Variants in NYAP2 observed in about 807,000 individuals in gnomAD.
The protein encoded by NYAP2 is neuronal tyrosine-phosphorylated phosphoinositide-3-kinase adapter 2.
Under a neutral mutation model 50.4 loss-of-function variants are expected in NYAP2, and 23 were observed. That is an observed-to-expected ratio of 0.46 (90% CI 0.33 to 0.65). The LOEUF (loss-of-function observed/expected upper bound fraction) is 0.65, where lower values mean the gene tolerates loss of function less well. NYAP2 is among the 30% of genes least tolerant of loss of function. The pLI is 0.02. For missense variants in NYAP2, 885 were observed against 861.0 expected (o/e 1.03, Z -0.35); for synonymous variants, 394 against 365.2 (o/e 1.08, Z -0.90).
intron 3 of NYAP2, among the ~76,000 whole-genome samples, chr2:225,473,603 T>C (rs1293919898): frequency 6.6e-6 from 1 of 152,260 alleles, no homozygotes; most frequent in East Asian, 1.9e-4. Flanking sequence ...TGCATAAATG[T>C]CTTCTTTTGA....
At chr2:225,623,735 C>A (rs1211231126) in intron 5 of NYAP2, among the ~76,000 whole-genome samples, 3 of 152,156 alleles carry the variant, frequency 2.0e-5, no homozygotes, top group Admixed American at 6.5e-5. Context: ...ATTTTAAATT[C>A]AACATGCTTG....
At chr2:225,697,756 T>C in the NYAP2 span, among the ~76,000 whole-genome samples, 1 of 151,968 alleles carries the variant, frequency 6.6e-6, no homozygotes, top group Non-Finnish European at 1.5e-5. Context: ...TTTCAGAACA[T>C]ATTGAAAAAT....
chr2:225,521,535 G>A (rs1254292805), intron 4 of NYAP2, among the ~76,000 whole-genome samples: 1 of 152,124 alleles, frequency 6.6e-6, no homozygotes, highest in African/African-American at 2.4e-5. Context: ...AGATAATCAT[G>A]TGGTTTTTGT....
At chr2:225,409,633 C>T (rs1003723344) in intron 3 of NYAP2, among the ~76,000 whole-genome samples, 1 of 152,022 alleles carries the variant, frequency 6.6e-6, no homozygotes. Flanking sequence ...TACCAAGTGC[C>T]ACAAGTTTGT....
At chr2:225,438,323 G>A (rs1308189002) in intron 3 of NYAP2, among the ~76,000 whole-genome samples, 1 of 152,214 alleles carries the variant, frequency 6.6e-6, no homozygotes, top group Non-Finnish European at 1.5e-5. Context: ...TTGCAGTGGT[G>A]TAAAGAGACT....
chr2:225,486,064 C>T (rs1215043116), intron 3 of NYAP2, among the ~76,000 whole-genome samples: 3 of 152,152 alleles, frequency 2.0e-5, no homozygotes, highest in East Asian at 1.9e-4. Context: ...TAGCACCCTG[C>T]GGAATTCCCT....
intron 3 of NYAP2, among the ~76,000 whole-genome samples, chr2:225,428,321 T>G (rs185499338): frequency 4.6e-5 from 7 of 152,352 alleles, no homozygotes; most frequent in Non-Finnish European, 7.3e-5. Flanking sequence ...GAAAGATTAC[T>G]TGAAACTTGA....
intron 3 of NYAP2, among the ~76,000 whole-genome samples, chr2:225,510,683 T>C (rs1055856848): frequency 2.6e-5 from 4 of 152,180 alleles, no homozygotes; most frequent in African/African-American, 9.7e-5. Context: ...TATTTCTTCA[T>C]CTTGTATTTA....
intron 4 of NYAP2, among the ~76,000 whole-genome samples, chr2:225,562,075 C>T (rs2106216350): frequency 1.3e-5 from 2 of 152,192 alleles, no homozygotes; most frequent in East Asian, 3.9e-4. Flanking sequence ...GGAGTGGGAG[C>T]TGCAATTTGG....
intron 3 of NYAP2, among the ~76,000 whole-genome samples, chr2:225,469,872 G>T (rs972029583): frequency 1.3e-5 from 2 of 152,094 alleles, no homozygotes; most frequent in African/African-American, 4.8e-5. Flanking sequence ...CTAGGGGAGG[G>T]ATAGCATTAG....
intron 4 of NYAP2, among the ~76,000 whole-genome samples, chr2:225,554,010 A>G (rs560664872): frequency 3.3e-5 from 5 of 152,334 alleles, no homozygotes; most frequent in African/African-American, 1.2e-4. Context: ...CTGTCTCAGA[A>G]AGAATTCAAA....
chr2:225,564,623 G>A (rs545966009), intron 4 of NYAP2, among the ~76,000 whole-genome samples: 23 of 151,770 alleles, frequency 1.5e-4, no homozygotes, highest in Admixed American at 1.1e-3. Flanking sequence ...CTTCAAGAAT[G>A]AAGGTACACT....
chr2:225,406,048 A>G (rs892598879), intron 2 of NYAP2, among the ~76,000 whole-genome samples: 1 of 152,008 alleles, frequency 6.6e-6, no homozygotes, highest in Admixed American at 6.6e-5. Context: ...AGTTAAATTT[A>G]TGGAATACTT....
intron 4 of NYAP2, among the ~76,000 whole-genome samples, chr2:225,574,369 G>C (rs1025020748): frequency 1.3e-5 from 2 of 152,146 alleles, no homozygotes; most frequent in African/African-American, 2.4e-5. Context: ...CTCATGTCCA[G>C]TTCTCCCTAC....
At chr2:225,630,687 T>A (rs1217472493) in intron 6 of NYAP2, among the ~76,000 whole-genome samples, 1 of 152,222 alleles carries the variant, frequency 6.6e-6, no homozygotes, top group East Asian at 1.9e-4. Context: ...ATTAGGTTTT[T>A]AAGTTTATGT....
chr2:225,664,068 AT>A, the NYAP2 span, among the ~76,000 whole-genome samples: 2 of 152,116 alleles, frequency 1.3e-5, no homozygotes, highest in African/African-American at 4.8e-5. Context: ...TGTCATAACC[AT>A]GAAAGGCCTT....
In NYAP2 at chr2:225,568,291, T is replaced by C. The variant is rs1363770152; in HGVS notation, c.524-13650T>C. Among the ~76,000 whole-genome samples, 3 of 152,236 alleles carry C rather than the reference T, an allele frequency of 2.0e-5. No homozygotes were observed. The East Asian group carries it at 5.8e-4, about 29-fold the overall frequency. On this transcript the variant is annotated intron_variant, in intron 4 of 6. Transcript: ENST00000636099. Reference sequence around the variant, plus strand: ...ATTTTAATTTCTCAGTTAATTTTTCTAACCTTTCTTTTTGGCAAGTAAAAT... The same window carrying C: ...ATTTTAATTTCTCAGTTAATTTTTCCAACCTTTCTTTTTGGCAAGTAAAAT...
intron 3 of NYAP2, among the ~76,000 whole-genome samples, chr2:225,482,188 G>A (rs1302098677): frequency 3.3e-5 from 5 of 151,978 alleles, no homozygotes; most frequent in Admixed American, 6.6e-5. Flanking sequence ...CACTACCTGC[G>A]ATTTTACAGA....
At chr2:225,510,399 C>G (rs894944315) in intron 3 of NYAP2, among the ~76,000 whole-genome samples, 2 of 152,176 alleles carry the variant, frequency 1.3e-5, no homozygotes, top group African/African-American at 4.8e-5. Flanking sequence ...TTTAAAAACA[C>G]AAATTCATCT....
Sources: gnomAD v4.1 joint callset for allele counts (sites outside exome capture counted in the v4.1 genomes callset) on GRCh38, gnomAD v4.1.1 for gene constraint, MANE v1.5 for transcripts, NCBI Gene and HGNC (gene_info 2026-07-23, HGNC 2026-07-21) for gene names.